The following COL4A4 variants were observed in gnomAD, a reference collection of about 807,000 sequenced individuals.
The protein encoded by COL4A4 is collagen alpha-4(IV) chain.
Under a neutral mutation model 192.9 loss-of-function variants are expected in COL4A4, and 105 were observed. The ratio of observed to expected loss-of-function variants is 0.54; its 90% CI spans 0.46 to 0.64. The LOEUF is 0.64. Among genes scored for constraint, COL4A4 ranks in the 30% least tolerant of loss-of-function variants. COL4A4 has a pLI of 0.00. For missense variants in COL4A4, 1,967 were observed against 2,169.3 expected (o/e 0.91, Z 1.85); for synonymous variants, 762 against 769.9 (o/e 0.99, Z 0.17).
intron 11 of COL4A4, 58 bp downstream of exon 11, chr2:227,108,774 GT>G (rs532536877): frequency 6.4e-7 from 1 of 1,557,352 alleles, no homozygotes; most frequent in Non-Finnish European, 8.8e-7. Context: ...ACAAATATCA[GT>G]GGTCAACCAT....
rs983212237 is a variant in COL4A4 at position 227,164,137 on chromosome 2, T to TTGGAGGCGGGC, written c.-243_-233dup. ...CGCAGCCAAGCCCGGCGGCCGCAAG[T>TTGGAGGCGGGC]TGGAGGCGGGCTGGAGGCGGGGAAC... On this transcript the variant is annotated 5_prime_UTR_variant, in exon 1 of 48. Transcript: ENST00000396625. The surrounding 1 kb of genome is among the most constrained non-coding windows in gnomAD (Gnocchi z 4.8). 2.6e-5 allele frequency: 4 copies of TTGGAGGCGGGC among 152,356 alleles called. No individual in the cohort carries two copies. The highest frequency in any genetic ancestry group is 9.7e-5 in the African/African-American group (4 of 41,438). The allele number at this position is 152,356 out of a possible 1,614,324, so 9.4% of individuals were successfully genotyped here. A position where few individuals can be genotyped will look rare whatever the true frequency, so the allele number is the denominator to read the frequency against.
chr2:227,080,281 A>C (rs2059252566), intron 24 of COL4A4, among the ~76,000 whole-genome samples, 162 bp downstream of exon 24: 1 of 152,232 alleles, frequency 6.6e-6, no homozygotes, highest in South Asian at 2.1e-4. Flanking sequence ...ATACCTCTTA[A>C]AACAATCATC....
At chr2:227,044,540 A>ATT (rs1397604856) in intron 35 of COL4A4, among the ~76,000 whole-genome samples, 1 of 152,148 alleles carries the variant, frequency 6.6e-6, no homozygotes, top group Non-Finnish European at 1.5e-5. Flanking sequence ...CTCACTATGT[A>ATT]TTATCTTATT....
chr2:227,139,275 T>C (rs1247223697), intron 4 of COL4A4, among the ~76,000 whole-genome samples: 1 of 152,214 alleles, frequency 6.6e-6, no homozygotes, highest in East Asian at 1.9e-4. Flanking sequence ...GGTATTCTGT[T>C]ACAGCAGCGA....
intron 25 of COL4A4, among the ~76,000 whole-genome samples, chr2:227,066,740 C>T (rs923606802): frequency 4.0e-5 from 6 of 151,136 alleles, no homozygotes; most frequent in Admixed American, 6.6e-5. Context: ...AAGGAACAAC[C>T]GGTACCAGCT....
intron 41 of COL4A4, 64 bp from the exon 42 acceptor site, chr2:227,028,073 G>A (rs954851998): frequency 3.6e-6 from 4 of 1,124,038 alleles, no homozygotes; most frequent in Non-Finnish European, 5.2e-6. Context: ...AACAATGACA[G>A]TTTGATAGAC....
chr2:227,035,732 A>G (rs1400423635), intron 37 of COL4A4, among the ~76,000 whole-genome samples: 3 of 152,138 alleles, frequency 2.0e-5, no homozygotes, highest in African/African-American at 7.2e-5. Flanking sequence ...TGAAATGATA[A>G]ATTTTCGGGG....
chr2:226,969,989 T>G, the COL4A4 span, among the ~76,000 whole-genome samples: 1 of 111,924 alleles, frequency 8.9e-6, no homozygotes, highest in African/African-American at 3.5e-5. Flanking sequence ...TTTACAACTG[T>G]CCCCCCCCCC....
chr2:226,981,509 C>G, the COL4A4 span, among the ~76,000 whole-genome samples: 2 of 151,754 alleles, frequency 1.3e-5, no homozygotes, highest in African/African-American at 2.4e-5. Context: ...CACACAAGCA[C>G]ACACTCATGC....
intron 37 of COL4A4, among the ~76,000 whole-genome samples, chr2:227,033,741 C>T (rs1225832237): frequency 6.6e-6 from 1 of 152,234 alleles, no homozygotes; most frequent in African/African-American, 2.4e-5. Context: ...CTGATCCTAT[C>T]GTGACCAGAT....
chr2:227,130,241 T>A (rs2125147937), intron 4 of COL4A4, among the ~76,000 whole-genome samples: 1 of 152,298 alleles, frequency 6.6e-6, no homozygotes, highest in South Asian at 2.1e-4. Context: ...CATTCGAGAT[T>A]TTCACTGTGT....
intron 23 of COL4A4, among the ~76,000 whole-genome samples, chr2:227,081,817 T>C (rs2059342338): frequency 6.6e-6 from 1 of 152,114 alleles, no homozygotes; most frequent in Non-Finnish European, 1.5e-5. Flanking sequence ...TATAGAATAC[T>C]GTAATGTGGT....
intron 10 of COL4A4, 113 bp downstream of exon 10, chr2:227,109,110 AT>A (rs374392886): frequency 1.2e-5 from 12 of 1,040,824 alleles, no homozygotes; most frequent in African/African-American, 9.4e-5. Context: ...TGATTCATCG[AT>A]TATAATCTCT....
chr2:227,086,696 C>T (rs2059619600), intron 22 of COL4A4, among the ~76,000 whole-genome samples: 1 of 152,140 alleles, frequency 6.6e-6, no homozygotes, highest in Admixed American at 6.5e-5. Flanking sequence ...ACAAGCAGTC[C>T]TCACTCAAAG....
chr2:227,105,587 A>C (rs192780999), intron 12 of COL4A4, among the ~76,000 whole-genome samples: 196 of 152,292 alleles, frequency 1.3e-3, no homozygotes, highest in Non-Finnish European at 2.4e-3. Context: ...TTATGCCATG[A>C]TAGATGTTTT....
chr2:227,050,270 A>C, intron 33 of COL4A4, 139 bp from the exon 34 acceptor site: 1 of 747,042 alleles, frequency 1.3e-6, no homozygotes, highest in Non-Finnish European at 2.4e-6. Flanking sequence ...AAATGCATGC[A>C]AGCCTCCCAC....
intron 44 of COL4A4, among the ~76,000 whole-genome samples, chr2:227,015,331 T>C (rs1455177347): frequency 6.6e-6 from 1 of 152,192 alleles, no homozygotes; most frequent in Non-Finnish European, 1.5e-5. Context: ...ATCAGAGTAG[T>C]TACTGGACCA....
chr2:227,093,694 A>T (rs529810493), intron 20 of COL4A4, among the ~76,000 whole-genome samples: 1 of 152,040 alleles, frequency 6.6e-6, no homozygotes, highest in East Asian at 1.9e-4. Flanking sequence ...TATTTCATTT[A>T]TTATTTTAGT....
intron 44 of COL4A4, among the ~76,000 whole-genome samples, chr2:227,019,639 C>T (rs369034961): frequency 2.6e-5 from 4 of 152,204 alleles, no homozygotes; most frequent in African/African-American, 9.7e-5. Flanking sequence ...ATCCCATTCT[C>T]CCAATACCCT....
Sources: allele counts gnomAD v4.1 joint callset (sites outside exome capture counted in the v4.1 genomes callset), GRCh38; gene constraint gnomAD v4.1.1; non-coding constraint Gnocchi (gnomAD v3.1); transcripts MANE v1.5; gene names NCBI Gene and HGNC (gene_info 2026-07-23, HGNC 2026-07-21).